The following TNR variants were observed in gnomAD, a reference collection of about 807,000 sequenced individuals.
TNR encodes tenascin R, also known as tenascin-R.
A neutral mutation model predicts 150.4 loss-of-function variants in TNR; 45 were observed. The observed-to-expected ratio is 0.30, with a 90% CI of 0.24 to 0.38. The LOEUF (loss-of-function observed/expected upper bound fraction) is 0.38, where lower values mean the gene tolerates loss of function less well. TNR is among the 10% of genes least tolerant of loss of function. TNR has a pLI of 1.00. For synonymous variants in TNR, 687 were observed against 678.4 expected, an observed-to-expected ratio of 1.01 and a Z score of -0.20; for missense variants, 1,544 against 1,759.1, an observed-to-expected ratio of 0.88 and a Z score of 2.19.
At chr1:175,575,110 G>A (rs752968953) in intron 1 of TNR, among the ~76,000 whole-genome samples, 1 of 152,212 alleles carries the variant, frequency 6.6e-6, no homozygotes, top group Non-Finnish European at 1.5e-5. Context: ...TGTGGCTTGT[G>A]AGTGGAGGTA....
At chr1:175,516,331 C>T (rs1442640878) in intron 2 of TNR, among the ~76,000 whole-genome samples, 1 of 152,070 alleles carries the variant, frequency 6.6e-6, no homozygotes, top group Non-Finnish European at 1.5e-5. Flanking sequence ...TCCTGGTTTC[C>T]GCAAGGTACC....
chr1:175,510,459 C>T (rs1659124713), intron 2 of TNR, among the ~76,000 whole-genome samples: 1 of 152,154 alleles, frequency 6.6e-6, no homozygotes, highest in African/African-American at 2.4e-5. Context: ...ACCTCTATCC[C>T]GTGTCCCCCA....
chr1:175,581,840 A>G lies in TNR; in HGVS notation c.-164-53471T>C, dbSNP rs904194317. Among the ~76,000 whole-genome samples, 10 of 152,314 alleles carry G rather than the reference A, an allele frequency of 6.6e-5. No individual in the cohort carries two copies. In the East Asian group the frequency reaches 1.9e-3, roughly 29 times the overall value. On this transcript the variant is annotated intron_variant, in intron 1 of 22. Transcript: ENST00000367674. The stretch of plus-strand genomic sequence containing the variant: ...CAAGTCAGTATTTCCCATTACTAGT[A>G]TATCTAGAAGCCGACAAGCTTGTGC...
chr1:175,594,599 A>C (rs758969931), intron 1 of TNR, among the ~76,000 whole-genome samples: 1 of 152,320 alleles, frequency 6.6e-6, no homozygotes, highest in East Asian at 1.9e-4. Flanking sequence ...TCATGCCTGT[A>C]ATCGCAATAC....
chr1:175,522,505 G>T (rs1394080483), intron 2 of TNR, among the ~76,000 whole-genome samples: 1 of 152,046 alleles, frequency 6.6e-6, no homozygotes, highest in East Asian at 1.9e-4. Context: ...CACCACTAAA[G>T]AACTTACTCA....
At chr1:175,602,046 A>G (rs548716233) in intron 1 of TNR, among the ~76,000 whole-genome samples, 1 of 152,140 alleles carries the variant, frequency 6.6e-6, no homozygotes, top group African/African-American at 2.4e-5. Flanking sequence ...TAGCATGCAG[A>G]AGAGGAAGGA....
At chr1:175,491,837 G>C (rs1447914938) in intron 2 of TNR, among the ~76,000 whole-genome samples, 1 of 151,938 alleles carries the variant, frequency 6.6e-6, no homozygotes, top group Non-Finnish European at 1.5e-5. Context: ...TTTTAGTAGA[G>C]ACGGGGTTTC....
chr1:175,674,728 T>A (rs1665810205), intron 1 of TNR, among the ~76,000 whole-genome samples: 1 of 152,174 alleles, frequency 6.6e-6, no homozygotes, highest in Admixed American at 6.5e-5. Flanking sequence ...GTGGCCTCCC[T>A]GGGTAGTTCC....
chr1:175,426,069 C>G (rs1168487035), intron 2 of TNR, among the ~76,000 whole-genome samples: 3 of 152,168 alleles, frequency 2.0e-5, no homozygotes, highest in African/African-American at 7.2e-5. Context: ...CTAGAGGAAG[C>G]TGTAACAGGA....
At chr1:175,413,278 G>A (rs1415899819) in intron 2 of TNR, among the ~76,000 whole-genome samples, 1 of 152,136 alleles carries the variant, frequency 6.6e-6, no homozygotes, top group African/African-American at 2.4e-5. Flanking sequence ...CACCTGCCTC[G>A]GCCTCCCAAA....
At chr1:175,594,202 T>C (rs1012840496) in intron 1 of TNR, among the ~76,000 whole-genome samples, 6 of 152,056 alleles carry the variant, frequency 3.9e-5, no homozygotes, top group African/African-American at 9.7e-5. Context: ...GGATTGGGAA[T>C]GTTATTCTGG....
intron 18 of TNR, among the ~76,000 whole-genome samples, chr1:175,341,794 G>A (rs750631704): frequency 9.2e-5 from 14 of 152,338 alleles, no homozygotes; most frequent in East Asian, 3.9e-4. Flanking sequence ...ACAGTGTTGC[G>A]CCATAGAAGT....
chr1:175,594,068 A>G (rs1246790785), intron 1 of TNR, among the ~76,000 whole-genome samples: 2 of 152,090 alleles, frequency 1.3e-5, no homozygotes, highest in East Asian at 3.9e-4. Flanking sequence ...GGAGACTCCC[A>G]TTTCCTAGTG....
At chr1:175,413,872 C>G (rs559073148) in intron 2 of TNR, among the ~76,000 whole-genome samples, 1 of 152,282 alleles carries the variant, frequency 6.6e-6, no homozygotes, top group South Asian at 2.1e-4. Flanking sequence ...GTGGTTCATG[C>G]CTGTAATCTC....
chr1:175,330,802 A>G (rs1055764988), intron 20 of TNR, among the ~76,000 whole-genome samples: 10 of 152,100 alleles, frequency 6.6e-5, no homozygotes, highest in Admixed American at 5.2e-4. Context: ...CTGCCTCCTG[A>G]CTCCAGTCCC....
intron 1 of TNR, among the ~76,000 whole-genome samples, chr1:175,729,720 A>C (rs931241222): frequency 2.0e-5 from 3 of 152,060 alleles, no homozygotes. Context: ...TTATGAAACT[A>C]TCTAGAATGA....
chr1:175,379,543 C>T lies in TNR; in HGVS notation c.1963+9G>A. Reference sequence around the variant, plus strand: ...ACCAGCATAACCCCAAGAGATAGGTCTTACTCACCTGTCAGGGTGGCCCTG... The same window carrying T: ...ACCAGCATAACCCCAAGAGATAGGTTTTACTCACCTGTCAGGGTGGCCCTG... On this transcript the variant is annotated intron_variant, in intron 9 of 22. Transcript: ENST00000367674. 6.2e-7 allele frequency: 1 copy of T among 1,611,368 alleles called. No homozygotes were observed. The highest frequency in any genetic ancestry group is 8.5e-7 in the Non-Finnish European group (1 of 1,179,130).
rs1201867968 is a variant in TNR at position 175,625,951 on chromosome 1, T to G, written c.-164-97582A>C. ...AATTGTATCTCCCAGAATTCCCAAG[T>G]GTTGTGGGAGGGACCCGGGGGGGAG... On this transcript the variant is annotated intron_variant, in intron 1 of 22. Transcript: ENST00000367674. Among the ~76,000 whole-genome samples, 4 of 143,484 alleles carry G rather than the reference T, an allele frequency of 2.8e-5. No homozygotes were observed. In the East Asian group the frequency reaches 9.1e-4, roughly 33 times the overall value. The allele number at this position is 143,484 out of a possible 152,430, so 94.1% of individuals were successfully genotyped here.
At chr1:175,417,011 AAAAGAAAG>A (rs61354589) in intron 2 of TNR, among the ~76,000 whole-genome samples, 101 of 90,904 alleles carry the variant, frequency 1.1e-3, no homozygotes, top group South Asian at 2.9e-3. Flanking sequence ...CCATCTCAAA[AAAAGAAAG>A]AAAGAAAGAA....
Sources: allele counts gnomAD v4.1 joint callset (sites outside exome capture counted in the v4.1 genomes callset), GRCh38; gene constraint gnomAD v4.1.1; transcripts MANE v1.5; gene names NCBI Gene and HGNC (gene_info 2026-07-23, HGNC 2026-07-21).